Variants in RIPOR3 observed in about 807,000 individuals in gnomAD.
RIPOR3 encodes RIPOR family member 3.
RIPOR3 carries 95 observed loss-of-function variants against 114.3 expected under a neutral mutation model. The observed-to-expected ratio is 0.83, with a 90% confidence interval of 0.70 to 0.99. The LOEUF is 0.99. Among genes scored for constraint, RIPOR3 ranks in the 50% least tolerant of loss-of-function variants. The pLI is 0.00. For missense variants in RIPOR3, 1,252 were observed against 1,266.9 expected (o/e 0.99, Z 0.18); for synonymous variants, 575 against 543.8 (o/e 1.06, Z -0.80).
chr20:50,604,837 G>A lies in RIPOR3; in HGVS notation c.957-63C>T, dbSNP rs966360183. ...CCCAGAGGCCATTTCAGGCCCAGACGGCCCACAGGGCTCTTAGGTTATGCA... is the reference window on the plus strand; with the variant it reads ...CCCAGAGGCCATTTCAGGCCCAGACAGCCCACAGGGCTCTTAGGTTATGCA... On this transcript the variant is annotated intron_variant, in intron 11 of 21. Transcript: ENST00000327979. 183 of 1,577,338 alleles carry A rather than the reference G, an allele frequency of 1.2e-4. 1 individual carries two copies. The African/African-American group carries it at 1.8e-3, about 16-fold the overall frequency.
intron 1 of RIPOR3, among the ~76,000 whole-genome samples, chr20:50,662,830 C>T (rs1250054193): frequency 4.6e-5 from 7 of 152,222 alleles, no homozygotes; most frequent in Admixed American, 4.6e-4. Context: ...CACAGTGGCT[C>T]ACGCCTGTAA....
chr20:50,616,298 C>T (rs1367200813), intron 3 of RIPOR3, among the ~76,000 whole-genome samples: 1 of 152,124 alleles, frequency 6.6e-6, no homozygotes, highest in East Asian at 1.9e-4. Flanking sequence ...CCCACCAGGC[C>T]CACAAGTAGC....
At chr20:50,687,462 A>G (rs1274862568) in intron 1 of RIPOR3, among the ~76,000 whole-genome samples, 2 of 152,246 alleles carry the variant, frequency 1.3e-5, no homozygotes, top group Admixed American at 1.3e-4. Context: ...AGACACAACC[A>G]TAGATGCTGT....
intron 20 of RIPOR3, 21 bp downstream of exon 20, chr20:50,589,665 A>C: frequency 6.2e-7 from 1 of 1,612,178 alleles, no homozygotes; most frequent in Non-Finnish European, 8.5e-7. Context: ...TCAGCCACTA[A>C]TGGGGAAACG....
chr20:50,616,878 G>T (rs543646403), intron 3 of RIPOR3, among the ~76,000 whole-genome samples: 3 of 152,150 alleles, frequency 2.0e-5, no homozygotes, highest in African/African-American at 7.2e-5. Flanking sequence ...CGCCGTGGCT[G>T]ACGCCTGTAA....
chr20:50,665,721 GT>G (rs2086168513), intron 1 of RIPOR3, among the ~76,000 whole-genome samples: 1 of 151,976 alleles, frequency 6.6e-6, no homozygotes, highest in Admixed American at 6.6e-5. Context: ...TGCCTGCCGG[GT>G]GGGTTTCTTA....
At chr20:50,634,941 GA>G (rs1303057707) in intron 1 of RIPOR3, among the ~76,000 whole-genome samples, 1 of 152,216 alleles carries the variant, frequency 6.6e-6, no homozygotes, top group East Asian at 1.9e-4. Flanking sequence ...GCTGAGGCAG[GA>G]GAATCACCTG....
intron 1 of RIPOR3, among the ~76,000 whole-genome samples, chr20:50,675,689 G>A (rs899769108): frequency 1.3e-5 from 2 of 152,216 alleles, no homozygotes; most frequent in Admixed American, 1.3e-4. Flanking sequence ...AGGTTCATCT[G>A]ACTCCAATGC....
intron 1 of RIPOR3, among the ~76,000 whole-genome samples, chr20:50,675,173 A>C (rs575779902): frequency 8.0e-4 from 122 of 152,270 alleles, no homozygotes; most frequent in Non-Finnish European, 1.0e-3. Context: ...AGAAGCTAAG[A>C]GGCAAGAAAG....
chr20:50,588,577 G>C (rs2082998683), intron 20 of RIPOR3, among the ~76,000 whole-genome samples: 1 of 152,096 alleles, frequency 6.6e-6, no homozygotes, highest in Non-Finnish European at 1.5e-5. Context: ...ATTGGGTCTA[G>C]CCTAAGGAAA....
intron 7 of RIPOR3, 53 bp downstream of exon 7, chr20:50,609,519 GC>G: frequency 7.0e-7 from 1 of 1,436,876 alleles, no homozygotes; most frequent in Non-Finnish European, 9.1e-7. Flanking sequence ...TGTCCCCACT[GC>G]CCGGCCCAGC....
At chr20:50,648,435 C>A (rs1255303286) in intron 1 of RIPOR3, among the ~76,000 whole-genome samples, 1 of 150,432 alleles carries the variant, frequency 6.6e-6, no homozygotes, top group East Asian at 2.0e-4. Flanking sequence ...TCGGCAGGGC[C>A]ATGCTCCCTC....
intron 2 of RIPOR3, among the ~76,000 whole-genome samples, chr20:50,624,123 C>A (rs1351529465): frequency 6.6e-6 from 1 of 152,216 alleles, no homozygotes; most frequent in African/African-American, 2.4e-5. Context: ...AGGCATGAGC[C>A]ACTGCACCCA....
intron 1 of RIPOR3, among the ~76,000 whole-genome samples, chr20:50,671,426 GCGCACACACACACA>G (rs1203032062): frequency 1.8e-5 from 2 of 112,556 alleles, no homozygotes; most frequent in African/African-American, 5.4e-5. Flanking sequence ...GCACGCGCGC[GCGCACACACACACA>G]CACACACACA....
At chr20:50,676,468 A>G (rs2086680430) in intron 1 of RIPOR3, among the ~76,000 whole-genome samples, 1 of 152,160 alleles carries the variant, frequency 6.6e-6, no homozygotes, top group African/African-American at 2.4e-5. Flanking sequence ...CCTGGGCAAC[A>G]TAGAGAGACC....
chr20:50,657,173 G>C (rs1402147167), intron 1 of RIPOR3, among the ~76,000 whole-genome samples: 2 of 152,194 alleles, frequency 1.3e-5, no homozygotes, highest in African/African-American at 4.8e-5. Flanking sequence ...GATCACTTGA[G>C]CCCAGGAGTT....
At chr20:50,653,226 T>C (rs1037114047) in intron 1 of RIPOR3, 2 of 152,136 alleles carry the variant, frequency 1.3e-5, no homozygotes, top group African/African-American at 2.4e-5. Flanking sequence ...ACAGAAGGTA[T>C]GGCTCCACGG....
intron 11 of RIPOR3, among the ~76,000 whole-genome samples, chr20:50,607,870 C>A (rs1336664869): frequency 1.3e-5 from 2 of 152,216 alleles, no homozygotes; most frequent in Admixed American, 1.3e-4. Flanking sequence ...GAAAGGAACA[C>A]CCTGGAAATG....
intron 1 of RIPOR3, among the ~76,000 whole-genome samples, chr20:50,652,584 C>G (rs534718408): frequency 8.6e-4 from 67 of 77,628 alleles, no homozygotes; most frequent in South Asian, 7.9e-3. Context: ...GAGAGAGATT[C>G]TGTCTCAAAA....
Sources: gnomAD v4.1 joint callset for allele counts (sites outside exome capture counted in the v4.1 genomes callset) on GRCh38, gnomAD v4.1.1 for gene constraint, MANE v1.5 for transcripts, NCBI Gene and HGNC (gene_info 2026-07-23, HGNC 2026-07-21) for gene names.